The following PIGK variants were observed in gnomAD, a reference collection of about 807,000 sequenced individuals.
The protein encoded by PIGK is phosphatidylinositol glycan anchor biosynthesis class K, also known as GPI-anchor transamidase.
Under a neutral mutation model 50.6 loss-of-function variants are expected in PIGK, and 42 were observed. The observed-to-expected ratio is 0.83, with a 90% CI of 0.65 to 1.07. PIGK has a LOEUF of 1.07. Ranked by LOEUF, PIGK falls within the 50% of genes least tolerant of loss-of-function variation. The probability of loss-of-function intolerance (pLI) is 0.00; values close to 1 mark genes in which losing one functional copy is unlikely to be tolerated. For synonymous variants in PIGK, 151 were observed against 156.0 expected (o/e 0.97, Z 0.24); for missense variants, 448 against 488.7 (o/e 0.92, Z 0.78).
At position 77,211,213 on chromosome 1, in the gene PIGK, A is replaced by G. The variant is rs537469762; in HGVS notation, c.94-724T>C. On this transcript the variant is annotated intron_variant, in intron 1 of 10. Transcript: ENST00000370812. ...CAGGGGCTTTCATCAGTTATATTCAATGATGTATTCCAAGTAAGTTTGGCA... is the reference window on the plus strand; with the variant it reads ...CAGGGGCTTTCATCAGTTATATTCAGTGATGTATTCCAAGTAAGTTTGGCA... Among the ~76,000 whole-genome samples, 485 of 152,028 alleles carry G rather than the reference A, an allele frequency of 3.2e-3. 1 individual carries two copies. The highest frequency in any genetic ancestry group is 7.3e-3 in the Admixed American group (111 of 15,268).
At chr1:77,138,280 A>C (rs181299292) in intron 9 of PIGK, among the ~76,000 whole-genome samples, 241 of 152,306 alleles carry the variant, frequency 1.6e-3, no homozygotes, top group Middle Eastern at 0.014. Flanking sequence ...GCCCTTCCTA[A>C]AGTTAGACAG....
chr1:77,194,650 G>A (rs546887468), intron 3 of PIGK, among the ~76,000 whole-genome samples: 1 of 129,090 alleles, frequency 7.7e-6, no homozygotes, highest in Non-Finnish European at 1.6e-5. Flanking sequence ...GTGGAGGGTG[G>A]GGGGAGGGTG....
At chr1:77,143,918 T>TA (rs1553182065) in intron 9 of PIGK, among the ~76,000 whole-genome samples, 1 of 152,094 alleles carries the variant, frequency 6.6e-6, no homozygotes, top group Non-Finnish European at 1.5e-5. Context: ...ACTTAACACT[T>TA]ACTGAGTGCT....
At chr1:77,113,922 C>T (rs1238836684) in intron 10 of PIGK, among the ~76,000 whole-genome samples, 1 of 152,086 alleles carries the variant, frequency 6.6e-6, no homozygotes, top group East Asian at 1.9e-4. Flanking sequence ...CTTAAACCCT[C>T]TTTGGGAAGT....
At chr1:77,100,533 T>C (rs1019111926) in intron 10 of PIGK, among the ~76,000 whole-genome samples, 26 of 152,302 alleles carry the variant, frequency 1.7e-4, no homozygotes, top group Admixed American at 1.1e-3. Flanking sequence ...GTGAATATGA[T>C]GCACTATCAC....
chr1:77,211,670 T>C lies in PIGK; in HGVS notation c.94-1181A>G, dbSNP rs141762830. On this transcript the variant is annotated intron_variant, in intron 1 of 10. Transcript: ENST00000370812. ...TCTTTTTAATCCTTTAATCATTTAA[T>C]AGTCATCTCAGTTGATTCTCTAAAA... Among the ~76,000 whole-genome samples, 468 of 152,190 alleles carry C rather than the reference T, an allele frequency of 3.1e-3. 1 individual carries two copies. The highest frequency in any genetic ancestry group is 0.011 in the African/African-American group (448 of 41,564).
At chr1:77,095,304 A>T (rs1037188782) in intron 10 of PIGK, among the ~76,000 whole-genome samples, 2 of 152,182 alleles carry the variant, frequency 1.3e-5, no homozygotes, top group Non-Finnish European at 2.9e-5. Flanking sequence ...AGAAACAAGG[A>T]TTAGAAACAA....
chr1:77,212,807 T>C (rs1198699167), intron 1 of PIGK, among the ~76,000 whole-genome samples: 5 of 152,124 alleles, frequency 3.3e-5, no homozygotes, highest in Non-Finnish European at 2.9e-5. Context: ...GATGTATAAA[T>C]CAAATGTTAT....
At chr1:77,098,407 C>A (rs917641879) in intron 10 of PIGK, among the ~76,000 whole-genome samples, 5 of 151,878 alleles carry the variant, frequency 3.3e-5, no homozygotes. Context: ...CAGCTCACTG[C>A]AGACTCCTCA....
chr1:77,194,769 T>G (rs745978530), intron 3 of PIGK: 5 of 355,694 alleles, frequency 1.4e-5, no homozygotes, highest in Non-Finnish European at 2.7e-5. Context: ...AATCTGCATA[T>G]GTACCTCCTG....
chr1:77,216,319 T>C (rs915729589), intron 1 of PIGK, among the ~76,000 whole-genome samples: 1 of 152,176 alleles, frequency 6.6e-6, no homozygotes, highest in Admixed American at 6.5e-5. Context: ...TTCTGGAGAT[T>C]TGTGAAATAT....
chr1:77,191,009 G>A (rs1054559613), intron 3 of PIGK, among the ~76,000 whole-genome samples: 2 of 152,134 alleles, frequency 1.3e-5, no homozygotes, highest in Non-Finnish European at 2.9e-5. Context: ...TCAGTACAGC[G>A]TTGACAAGTT....
intron 3 of PIGK, among the ~76,000 whole-genome samples, chr1:77,190,449 T>C (rs920386478): frequency 6.6e-6 from 1 of 152,116 alleles, no homozygotes; most frequent in Non-Finnish European, 1.5e-5. Flanking sequence ...TATGTTTTTG[T>C]CTTAAATTGA....
chr1:77,092,429 A>T lies in PIGK; in HGVS notation c.1133T>A (p.Ile378Asn). Residue 378 changes from isoleucine to asparagine, a missense_variant, in exon 11 of 11, where the codon ATT (isoleucine) becomes AAT (asparagine). Transcript: ENST00000370812. Reference sequence around the variant, plus strand: ...ATAAGTTTTGAAGAAAACCATGATAATAAGTGCCCATAATCCCAGAATAAA... The same window carrying T: ...ATAAGTTTTGAAGAAAACCATGATATTAAGTGCCCATAATCCCAGAATAAA... The part of the protein sequence containing the change: ...GGFILGLWAL[I>N]IMVFFKTYGI... The T allele has an allele frequency of 6.2e-7, 1 of 1,607,460 alleles. No homozygotes were observed. The highest frequency in any genetic ancestry group is 1.1e-5 in the South Asian group (1 of 89,510).
intron 3 of PIGK, among the ~76,000 whole-genome samples, chr1:77,189,420 T>G (rs1487103401): frequency 6.6e-6 from 1 of 151,896 alleles, no homozygotes; most frequent in Non-Finnish European, 1.5e-5. Context: ...AACATTTGAG[T>G]CAGTGGGCTA....
chr1:77,122,479 A>T, intron 9 of PIGK, 120 bp from the exon 10 acceptor site: 1 of 614,692 alleles, frequency 1.6e-6, no homozygotes, highest in Non-Finnish European at 2.8e-6. Flanking sequence ...TGAAATAATC[A>T]GTATTTATCA....
intron 10 of PIGK, among the ~76,000 whole-genome samples, chr1:77,100,208 G>C (rs865842786): frequency 6.6e-6 from 1 of 152,128 alleles, no homozygotes; most frequent in Non-Finnish European, 1.5e-5. Context: ...GTTTCAATGA[G>C]ATTCTTAAAT....
At chr1:77,126,368 C>T (rs1654230824) in intron 9 of PIGK, among the ~76,000 whole-genome samples, 1 of 151,476 alleles carries the variant, frequency 6.6e-6, no homozygotes, top group South Asian at 2.1e-4. Flanking sequence ...AGTTATCTTG[C>T]AATGGAGGGT....
intron 9 of PIGK, among the ~76,000 whole-genome samples, chr1:77,130,204 T>TTTGCTATATATGATATTC (rs1654337471): frequency 1.4e-5 from 2 of 146,284 alleles, no homozygotes; most frequent in African/African-American, 5.1e-5. Context: ...TTTTTTTTTT[T>TTTGCTATATATGATATTC]TGCTATATAT....
Sources: allele counts gnomAD v4.1 joint callset (sites outside exome capture counted in the v4.1 genomes callset), GRCh38; gene constraint gnomAD v4.1.1; transcripts MANE v1.5; gene names NCBI Gene and HGNC (gene_info 2026-07-23, HGNC 2026-07-21).